Variants in ANO3 observed in about 807,000 individuals in gnomAD.
The protein encoded by ANO3 is anoctamin-3.
ANO3 carries 99 observed loss-of-function variants against 144.8 expected under a neutral mutation model. The observed-to-expected ratio is 0.68, with a 90% CI of 0.58 to 0.81. The LOEUF (loss-of-function observed/expected upper bound fraction) is 0.81, where lower values mean the gene tolerates loss of function less well. Ranked by LOEUF, ANO3 falls within the 30% of genes least tolerant of loss-of-function variation. The pLI is 0.00. For synonymous variants in ANO3, 414 were observed against 392.6 expected (o/e 1.05, Z -0.64); for missense variants, 905 against 1,202.2 (o/e 0.75, Z 3.66).
chr11:26,249,918 T>C (rs774859867), intron 1 of ANO3, among the ~76,000 whole-genome samples: 1 of 152,196 alleles, frequency 6.6e-6, no homozygotes, highest in Middle Eastern at 3.2e-3. Flanking sequence ...ATTTAAAGAT[T>C]ATGGCTTTAC....
intron 1 of ANO3, among the ~76,000 whole-genome samples, chr11:26,280,672 C>A (rs1262000261): frequency 6.6e-6 from 1 of 152,152 alleles, no homozygotes; most frequent in African/African-American, 2.4e-5. Flanking sequence ...TTGGCAACAC[C>A]CTCACAGACA....
intron 1 of ANO3, among the ~76,000 whole-genome samples, chr11:26,251,732 C>T (rs190775767): frequency 5.1e-4 from 78 of 152,108 alleles, no homozygotes; most frequent in African/African-American, 1.4e-3. Flanking sequence ...TGGCAGAAGG[C>T]GAAGGGGAAA....
intron 18 of ANO3, among the ~76,000 whole-genome samples, chr11:26,632,704 A>C (rs1027005790): frequency 1.3e-5 from 2 of 151,922 alleles, no homozygotes; most frequent in African/African-American, 4.8e-5. Context: ...GACAAAACTT[A>C]TCCACACAAT....
intron 17 of ANO3, among the ~76,000 whole-genome samples, chr11:26,623,312 T>G (rs935017499): frequency 8.5e-5 from 13 of 152,292 alleles, no homozygotes; most frequent in Middle Eastern, 3.4e-3. Context: ...ACCTTTTAAT[T>G]TTTCGTGCCA....
chr11:26,451,494 G>A (rs1052596337), intron 3 of ANO3, among the ~76,000 whole-genome samples: 1 of 152,212 alleles, frequency 6.6e-6, no homozygotes, highest in Non-Finnish European at 1.5e-5. Flanking sequence ...TAGCACAGCA[G>A]TCTGAGATCA....
intron 3 of ANO3, among the ~76,000 whole-genome samples, chr11:26,448,057 T>C (rs1316560611): frequency 2.6e-5 from 4 of 152,240 alleles, no homozygotes; most frequent in Middle Eastern, 3.4e-3. Flanking sequence ...CCCAGCACTT[T>C]GGGAGGCTGA....
intron 1 of ANO3, among the ~76,000 whole-genome samples, chr11:26,352,303 C>T (rs1855668981): frequency 6.6e-6 from 1 of 152,188 alleles, no homozygotes; most frequent in African/African-American, 2.4e-5. Context: ...TGAGATCTAG[C>T]TGGAGGCTGG....
chr11:26,327,921 T>C (rs1478783673), upstream of ANO3, among the ~76,000 whole-genome samples: 3 of 152,224 alleles, frequency 2.0e-5, no homozygotes, highest in African/African-American at 7.2e-5. Context: ...TTCTAAGATA[T>C]GAACTGCTGT....
chr11:26,315,686 C>CCATCT (rs1564961787), intron 1 of ANO3, among the ~76,000 whole-genome samples: 2,284 of 108,260 alleles, frequency 0.021, 35 homozygotes, highest in African/African-American at 0.043. Flanking sequence ...TCTATCTATC[C>CCATCT]ATCTATCTAT....
intron 1 of ANO3, among the ~76,000 whole-genome samples, chr11:26,231,705 A>G (rs1178895138): frequency 6.6e-6 from 1 of 152,210 alleles, no homozygotes; most frequent in African/African-American, 2.4e-5. Flanking sequence ...TTCAAACTGA[A>G]TAAAATGGGA....
upstream of ANO3, among the ~76,000 whole-genome samples, chr11:26,308,485 T>C (rs1034688286): frequency 6.6e-6 from 1 of 152,234 alleles, no homozygotes; most frequent in Non-Finnish European, 1.5e-5. Context: ...GTTTATACTC[T>C]TATAAAAGTA....
chr11:26,431,941 GA>G (rs1858106454), intron 1 of ANO3, among the ~76,000 whole-genome samples: 1 of 152,102 alleles, frequency 6.6e-6, no homozygotes, highest in African/African-American at 2.4e-5. Flanking sequence ...TCGCTGGTTT[GA>G]ATAGTAATTC....
intron 1 of ANO3, among the ~76,000 whole-genome samples, chr11:26,343,664 G>T (rs1427797057): frequency 2.0e-5 from 3 of 152,218 alleles, no homozygotes; most frequent in African/African-American, 7.2e-5. Context: ...TATAATAGGA[G>T]ATAGATTGTA....
chr11:26,469,772 T>C (rs1390359301), intron 4 of ANO3, among the ~76,000 whole-genome samples: 1 of 151,980 alleles, frequency 6.6e-6, no homozygotes, highest in Non-Finnish European at 1.5e-5. Flanking sequence ...ATGGCTAATA[T>C]TCTTAATTCA....
At chr11:26,266,405 TAA>T (rs920305566) in intron 1 of ANO3, among the ~76,000 whole-genome samples, 69 of 151,648 alleles carry the variant, frequency 4.6e-4, no homozygotes, top group African/African-American at 1.6e-3. Context: ...TCCAAGTTAA[TAA>T]AAGTTAATTC....
At chr11:26,204,127 A>C (rs1189558153) in intron 1 of ANO3, among the ~76,000 whole-genome samples, 1 of 151,836 alleles carries the variant, frequency 6.6e-6, no homozygotes, top group Non-Finnish European at 1.5e-5. Flanking sequence ...CCCTGATCAA[A>C]ACCTCTACAC....
chr11:26,212,117 T>C (rs1194080687), intron 1 of ANO3, among the ~76,000 whole-genome samples: 1 of 151,906 alleles, frequency 6.6e-6, no homozygotes, highest in East Asian at 1.9e-4. Flanking sequence ...AGGTGACAGG[T>C]TGATGGGTGC....
chr11:26,427,621 G>GTGAC, intron 1 of ANO3, among the ~76,000 whole-genome samples: 1 of 152,218 alleles, frequency 6.6e-6, no homozygotes, highest in African/African-American at 2.4e-5. Flanking sequence ...GCCAAAACCA[G>GTGAC]TGACTAATCA....
Position 26,559,562 on chromosome 11 carries a change from G to A in ANO3, c.1387-157G>A, listed in dbSNP as rs1850199703. The stretch of plus-strand genomic sequence containing the variant: ...ATGAGAAAAATCATGTGAAATTGTT[G>A]CAAGACCCATGAAAGGAATTCATAT... On this transcript the variant is annotated intron_variant, in intron 13 of 26. Coordinates refer to ENST00000256737, the MANE Select transcript of ANO3 (RefSeq NM_031418.4). The A allele has an allele frequency of 1.5e-5, 9 of 591,874 alleles. No homozygotes were observed. In the South Asian group the frequency reaches 1.7e-4, roughly 11 times the overall value. 36.7% of individuals were successfully genotyped at this position (591,874 alleles called of 1,614,324 possible). A position where few individuals can be genotyped will look rare whatever the true frequency, so the allele number is the denominator to read the frequency against.
Sources: gnomAD v4.1 joint callset for allele counts (sites outside exome capture counted in the v4.1 genomes callset) on GRCh38, gnomAD v4.1.1 for gene constraint, MANE v1.5 for transcripts, NCBI Gene and HGNC (gene_info 2026-07-23, HGNC 2026-07-21) for gene names.